CDKL3: variants seen among roughly 807,000 people sequenced by gnomAD.
The protein encoded by CDKL3 is cyclin dependent kinase like 3.
In CDKL3, 65 loss-of-function variants were observed where a neutral mutation model predicts 69.3. The observed-to-expected ratio is 0.94, with a 90% confidence interval of 0.77 to 1.15. The LOEUF is 1.15. Ranked by LOEUF, CDKL3 falls within the 50% of genes most tolerant of loss-of-function variation. The pLI is 0.00. For missense variants in CDKL3, 652 were observed against 689.2 expected (o/e 0.95, Z 0.61); for synonymous variants, 202 against 221.6 (o/e 0.91, Z 0.79).
At chr5:134,362,183 C>T (rs746823659) in intron 2 of CDKL3, among the ~76,000 whole-genome samples, 1 of 152,136 alleles carries the variant, frequency 6.6e-6, no homozygotes. Flanking sequence ...GATATTCTCA[C>T]TAATTACTCT....
intron 2 of CDKL3, among the ~76,000 whole-genome samples, chr5:134,364,786 T>G (rs1581265395): frequency 6.6e-6 from 1 of 151,326 alleles, no homozygotes; most frequent in South Asian, 2.1e-4. Context: ...GTTCTGAGAT[T>G]ACAGGCGTGA....
chr5:134,320,878 A>G (rs1007227045), intron 5 of CDKL3, among the ~76,000 whole-genome samples: 3 of 151,820 alleles, frequency 2.0e-5, no homozygotes, highest in Non-Finnish European at 1.5e-5. Flanking sequence ...CCTCTCAAAA[A>G]AAAAAAAATT....
chr5:134,353,191 A>G (rs533709170), intron 3 of CDKL3, among the ~76,000 whole-genome samples: 1 of 152,332 alleles, frequency 6.6e-6, no homozygotes, highest in South Asian at 2.1e-4. Context: ...GGTTTCCACA[A>G]GAAGTGAAAG....
At chr5:134,337,159 G>A (rs980014216) in intron 4 of CDKL3, among the ~76,000 whole-genome samples, 19 of 152,218 alleles carry the variant, frequency 1.2e-4, no homozygotes, top group African/African-American at 4.6e-4. Flanking sequence ...GCTGAGCCAG[G>A]CACGGGAGAG....
At chr5:134,298,318 C>T (rs1001884130), downstream of CDKL3, 9 of 1,037,104 alleles carry the variant, frequency 8.7e-6, no homozygotes, top group Non-Finnish European at 1.0e-5. Context: ...ATAACTGACT[C>T]GAAGTTATGT....
downstream of CDKL3, among the ~76,000 whole-genome samples, chr5:134,297,888 GT>G (rs1383399888): frequency 1.9e-5 from 2 of 106,518 alleles, no homozygotes; most frequent in African/African-American, 7.6e-5. Context: ...ACCATGAATA[GT>G]TTGTGTGTGT....
intron 3 of CDKL3, 95 bp from the exon 4 acceptor site, chr5:134,350,522 T>C (rs531668022): frequency 1.1e-5 from 9 of 814,578 alleles, no homozygotes; most frequent in African/African-American, 8.7e-5. Flanking sequence ...CTAATTAAGA[T>C]AGTAAAGCTA....
intron 2 of CDKL3, among the ~76,000 whole-genome samples, chr5:134,362,376 T>G (rs1415159541): frequency 1.3e-5 from 2 of 151,990 alleles, no homozygotes; most frequent in East Asian, 3.9e-4. Context: ...AAAATTAGCC[T>G]GGCATGATGG....
chr5:134,307,944 T>C (rs1768324716), intron 9 of CDKL3, 194 bp downstream of exon 9: 1 of 759,984 alleles, frequency 1.3e-6, no homozygotes, highest in Non-Finnish European at 1.9e-6. Flanking sequence ...TTTAAACATC[T>C]ATATGGCCAA....
rs868361902 is a variant in CDKL3, at chr5:134,312,272, C to G, written c.881+20G>C. On this transcript the variant is annotated intron_variant, in intron 7 of 12. Coordinates refer to ENST00000265334, the MANE Select transcript of CDKL3 (RefSeq NM_001113575.2). ...ATACAAAATGCTTTTAAAAAACCCA[C>G]ATTCACTCAAAATGCTTACTTTTCA... The G allele has an allele frequency of 1.4e-6, 2 of 1,435,420 alleles. No individual in the cohort carries two copies. Among genetic ancestry groups the G allele is most frequent in the Admixed American group, 2.0e-5 (1 of 50,788 alleles). The allele number at this position is 1,435,420 out of a possible 1,614,324, so 88.9% of individuals were successfully genotyped here. A position where few individuals can be genotyped will look rare whatever the true frequency, so the allele number is the denominator to read the frequency against.
At chr5:134,335,809 C>T (rs1255117904) in intron 4 of CDKL3, among the ~76,000 whole-genome samples, 2 of 152,062 alleles carry the variant, frequency 1.3e-5, no homozygotes, top group African/African-American at 4.8e-5. Flanking sequence ...CTTGGGGTTG[C>T]TCTTCTCAAG....
rs995225032 is a variant in CDKL3, at chr5:134,308,062, C to T, written c.1364+76G>A. 4.7e-6 allele frequency: 7 copies of T among 1,488,326 alleles called. No homozygotes were observed. In the African/African-American group the frequency reaches 7.0e-5, roughly 15 times the overall value. The allele number at this position is 1,488,326 out of a possible 1,614,324, so 92.2% of individuals were successfully genotyped here. ...TTCAAGTTCAGTTTACATACAGACA[C>T]TATGAACACGATTCTTTGAAATACC... is the stretch of plus-strand genomic sequence containing the variant. On this transcript the variant is annotated intron_variant, in intron 9 of 12. Coordinates refer to ENST00000265334, the MANE Select transcript of CDKL3 (RefSeq NM_001113575.2).
chr5:134,328,345 T>C (rs1774917550), intron 4 of CDKL3, among the ~76,000 whole-genome samples: 1 of 152,112 alleles, frequency 6.6e-6, no homozygotes, highest in African/African-American at 2.4e-5. Context: ...TATATATGTA[T>C]AAAGAAGAAC....
At position 134,319,404 on chromosome 5, in the gene CDKL3, CT is replaced by C; in HGVS notation, c.745del (p.Arg249GlufsTer14). ...TCCATTAAGCTTTGGATATTTTTTT[CT>C]TGCATTTTTGGGGTGTTGAACTTGA... ...LPQVQHPKNA[R>X]KKYPKLNGLL... On this transcript the variant is annotated frameshift_variant, in exon 6 of 13. Transcript: ENST00000265334. LOFTEE classifies it high-confidence loss of function. 2 of 1,530,336 alleles carry C rather than the reference CT, an allele frequency of 1.3e-6. No homozygotes were observed. Among genetic ancestry groups the C allele is most frequent in the Non-Finnish European group, 1.8e-6 (2 of 1,140,552 alleles). 94.8% of individuals were successfully genotyped at this position (1,530,336 alleles called of 1,614,324 possible). A position where few individuals can be genotyped will look rare whatever the true frequency, so the allele number is the denominator to read the frequency against.
At chr5:134,351,456 C>T (rs559356612) in intron 3 of CDKL3, among the ~76,000 whole-genome samples, 1 of 152,232 alleles carries the variant, frequency 6.6e-6, no homozygotes, top group East Asian at 1.9e-4. Flanking sequence ...CTCCATTGCC[C>T]AGACCAGAGT....
At chr5:134,316,008 G>A (rs1770963806) in intron 6 of CDKL3, among the ~76,000 whole-genome samples, 1 of 152,120 alleles carries the variant, frequency 6.6e-6, no homozygotes. Context: ...CTGGAGTGCA[G>A]TGGCACAATC....
intron 4 of CDKL3, among the ~76,000 whole-genome samples, chr5:134,327,849 A>T (rs1280382479): frequency 6.6e-6 from 1 of 152,168 alleles, no homozygotes; most frequent in Non-Finnish European, 1.5e-5. Context: ...AAGGAAGATA[A>T]ACCTATCAAT....
intron 4 of CDKL3, among the ~76,000 whole-genome samples, chr5:134,347,910 G>A (rs896413524): frequency 6.6e-6 from 1 of 152,044 alleles, no homozygotes; most frequent in Non-Finnish European, 1.5e-5. Context: ...ACAGGGTTTC[G>A]TTTTGGGGTG....
upstream of CDKL3, chr5:134,367,365 C>A: frequency 1.6e-5 from 11 of 708,832 alleles, no homozygotes; most frequent in Non-Finnish European, 1.9e-5. Context: ...GAAGGATCTG[C>A]ATCTTTTTTT....
Sources: gnomAD v4.1 joint callset for allele counts (sites outside exome capture counted in the v4.1 genomes callset) on GRCh38, gnomAD v4.1.1 for gene constraint, MANE v1.5 for transcripts, NCBI Gene and HGNC (gene_info 2026-07-23, HGNC 2026-07-21) for gene names.